FAM186A: variants seen among roughly 807,000 people sequenced by gnomAD.
The protein encoded by FAM186A is protein FAM186A.
A neutral mutation model predicts 216.8 loss-of-function variants in FAM186A; 163 were observed. That is an observed-to-expected ratio of 0.75 (90% confidence interval 0.66 to 0.86). The LOEUF (loss-of-function observed/expected upper bound fraction) is 0.86. FAM186A is among the 40% of genes least tolerant of loss of function. FAM186A has a pLI of 0.00. For synonymous variants in FAM186A, 805 were observed against 1,025.3 expected, an observed-to-expected ratio of 0.79 and a Z score of 4.10; for missense variants, 2,184 against 2,746.2, an observed-to-expected ratio of 0.80 and a Z score of 4.58.
At chr12:50,346,604 T>G (rs1942820189) in intron 4 of FAM186A, among the ~76,000 whole-genome samples, 1 of 152,096 alleles carries the variant, frequency 6.6e-6, no homozygotes, top group African/African-American at 2.4e-5. Flanking sequence ...TCCCAGCACT[T>G]TGGGAGGCCG....
At chr12:50,334,210 G>A in intron 4 of FAM186A, 107 bp from the exon 5 acceptor site, 1 of 1,005,086 alleles carries the variant, frequency 9.9e-7, no homozygotes, top group Non-Finnish European at 1.4e-6. Context: ...CGATCTTGTT[G>A]CCCAGGCTGG....
At position 50,352,541 on chromosome 12, in the gene FAM186A, G is replaced by C. The variant is rs1383134253; in HGVS notation, c.4291C>G (p.Gln1431Glu). 5.4e-6 allele frequency: 8 copies of C among 1,490,948 alleles called. No individual in the cohort carries two copies. The highest frequency in any genetic ancestry group is 1.2e-5 in the South Asian group (1 of 80,474). 92.4% of individuals were successfully genotyped at this position (1,490,948 alleles called of 1,614,324 possible). The change falls in exon 4 of 8, where the codon CAG (glutamine) becomes GAG (glutamate). Residue 1431 changes from glutamine (Q) to glutamate (E), a missense_variant. Transcript: ENST00000327337. ...TGCTGAGGGGTGAGAGTGATCTCCT[G>C]AGCCTGTGCCTGCTGAGGGGTGAAA... Reference protein sequence around the residue: ...IPFTPQQAQAQEITLTPQQAQ... With the variant: ...IPFTPQQAQAEEITLTPQQAQ...
chr12:50,374,105 A>T (rs1334753761), intron 1 of FAM186A, among the ~76,000 whole-genome samples: 1 of 143,472 alleles, frequency 7.0e-6, no homozygotes, highest in Non-Finnish European at 1.5e-5. Flanking sequence ...GAACAATGAG[A>T]ACACATGGAC....
intron 1 of FAM186A, among the ~76,000 whole-genome samples, chr12:50,379,043 GCCTGTAATCCCA>G (rs1943228082): frequency 6.6e-6 from 1 of 152,174 alleles, no homozygotes; most frequent in Non-Finnish European, 1.5e-5. Context: ...AGTGGCTCAC[GCCTGTAATCCCA>G]GCACTTTGAG....
At chr12:50,379,711 G>A (rs529842061) in intron 1 of FAM186A, among the ~76,000 whole-genome samples, 5 of 151,066 alleles carry the variant, frequency 3.3e-5, no homozygotes, top group African/African-American at 7.3e-5. Context: ...GCTTGAACCC[G>A]GGAGGCAGAG....
At chr12:50,376,124 A>G (rs1366369689) in intron 1 of FAM186A, among the ~76,000 whole-genome samples, 2 of 152,138 alleles carry the variant, frequency 1.3e-5, no homozygotes, top group Non-Finnish European at 2.9e-5. Flanking sequence ...TGGATGAGGG[A>G]AACTCAGTGG....
chr12:50,351,628 C>G lies in FAM186A; in HGVS notation c.5204G>C (p.Ser1735Thr). 3.2e-6 allele frequency: 5 copies of G among 1,551,538 alleles called. No individual in the cohort carries two copies. Among genetic ancestry groups the G allele is most frequent in the Non-Finnish European group, 4.4e-6 (5 of 1,146,874 alleles). Reference sequence around the variant, plus strand: ...TGATGATGCCAGGGACAGCCTAAGACTTGGAGACAATCTTGATATGATGGA... The same window carrying G: ...TGATGATGCCAGGGACAGCCTAAGAGTTGGAGACAATCTTGATATGATGGA... The part of the protein sequence containing the change: ...GQSIISRLSP[S>T]LRLSLASSAP... Residue 1735 changes from serine (S) to threonine (T), a missense_variant, in exon 4 of 8, where the codon AGT becomes ACT. Physicochemically the swap from Ser to Thr is moderately conservative, Grantham distance 58. Transcript: ENST00000327337.
intron 5 of FAM186A, among the ~76,000 whole-genome samples, chr12:50,333,330 G>A (rs1304865845): frequency 2.0e-5 from 3 of 151,224 alleles, no homozygotes; most frequent in Non-Finnish European, 4.4e-5. Flanking sequence ...TCAGGAATTC[G>A]AAACCAGCCT....
chr12:50,372,446 T>A (rs564670148), intron 1 of FAM186A, among the ~76,000 whole-genome samples: 1 of 151,308 alleles, frequency 6.6e-6, no homozygotes, highest in South Asian at 2.1e-4. Context: ...TACAAAAAAT[T>A]AGCCGGGCAT....
intron 3 of FAM186A, among the ~76,000 whole-genome samples, chr12:50,359,984 G>C (rs996426355): frequency 6.6e-6 from 1 of 152,160 alleles, no homozygotes. Flanking sequence ...ACTCACACCT[G>C]TAATCCCAGC....
rs549937922 is a variant in FAM186A at position 50,363,990 on chromosome 12, A to AT, written c.193-627dup. The stretch of plus-strand genomic sequence containing the variant: ...CTCTTTTCTTCACTCTATCCTAGAA[A>AT]TTTTTTACGGATGTAATTACTACCT... On this transcript the variant is annotated intron_variant, in intron 1 of 7. Coordinates refer to ENST00000327337, the MANE Select transcript of FAM186A (RefSeq NM_001145475.3). Among the ~76,000 whole-genome samples, 34 of 152,210 alleles carry AT rather than the reference A, an allele frequency of 2.2e-4. 2 individuals carry two copies. In the East Asian group the frequency reaches 3.1e-3, roughly 14 times the overall value.
At position 50,365,820 on chromosome 12, in the gene FAM186A, G is replaced by A. The variant is rs1943082090; in HGVS notation, c.193-2456C>T. On this transcript the variant is annotated intron_variant, in intron 1 of 7. Transcript: ENST00000327337. ...CATCTGAAAGAATGATGAAGTTCAGGTTGTATGAGGACACCATAAAGGTCA... is the reference window on the plus strand; with the variant it reads ...CATCTGAAAGAATGATGAAGTTCAGATTGTATGAGGACACCATAAAGGTCA... 5.3e-6 allele frequency: 4 copies of A among 759,044 alleles called. No homozygotes were observed. In the African/African-American group the frequency reaches 6.8e-5, roughly 13 times the overall value. 47.0% of individuals were successfully genotyped at this position (759,044 alleles called of 1,614,324 possible). A position where few individuals can be genotyped will look rare whatever the true frequency, so the allele number is the denominator to read the frequency against.
intron 1 of FAM186A, among the ~76,000 whole-genome samples, chr12:50,394,294 C>T (rs948568669): frequency 2.0e-5 from 3 of 152,016 alleles, no homozygotes; most frequent in Non-Finnish European, 4.4e-5. Context: ...CGCAGTGGCT[C>T]ACGCCTGTAA....
chr12:50,356,031 G>T lies in FAM186A; in HGVS notation c.801C>A (p.Asn267Lys), dbSNP rs750792978. The change falls in exon 4 of 8, where the codon AAC becomes AAA. Residue 267 changes from asparagine to lysine, a missense_variant. Physicochemically the swap from Asn to Lys is moderately conservative, Grantham distance 94 (BLOSUM62 0). Transcript: ENST00000327337. ...AIKYISSTIV[N>K]LSTALSMLND... The stretch of plus-strand genomic sequence containing the variant: ...TTAGCATACTCAAAGCTGTAGAAAG[G>T]TTTACTATTGTTGATGATATATATT... 9.7e-6 allele frequency: 15 copies of T among 1,551,426 alleles called. No individual in the cohort carries two copies. The highest frequency in any genetic ancestry group is 5.9e-5 in the South Asian group (5 of 84,052).
chr12:50,382,462 G>A (rs1328590798), intron 1 of FAM186A, among the ~76,000 whole-genome samples: 1 of 152,076 alleles, frequency 6.6e-6, no homozygotes. Context: ...CACTTTGGGA[G>A]GCTGAAGTGA....
chr12:50,339,914 T>A (rs1237651524), intron 4 of FAM186A, among the ~76,000 whole-genome samples: 1 of 152,096 alleles, frequency 6.6e-6, no homozygotes, highest in Non-Finnish European at 1.5e-5. Context: ...CTCGGTTCAC[T>A]GCAACCACCG....
At chr12:50,338,448 G>A (rs977443441) in intron 4 of FAM186A, among the ~76,000 whole-genome samples, 1 of 152,094 alleles carries the variant, frequency 6.6e-6, no homozygotes, top group Non-Finnish European at 1.5e-5. Context: ...TGATTCACCC[G>A]CCTCAGCCTC....
At chr12:50,392,853 C>T (rs1234707788) in intron 1 of FAM186A, among the ~76,000 whole-genome samples, 5 of 149,326 alleles carry the variant, frequency 3.3e-5, no homozygotes, top group Admixed American at 6.7e-5. Context: ...GCTCATGATC[C>T]GCCCGCCCCA....
chr12:50,372,546 A>G (rs1284466103), intron 1 of FAM186A, among the ~76,000 whole-genome samples: 4 of 151,050 alleles, frequency 2.6e-5, no homozygotes, highest in African/African-American at 7.3e-5. Flanking sequence ...GTGAGCCAAG[A>G]TTGTGTCACT....
Sources: allele counts gnomAD v4.1 joint callset (sites outside exome capture counted in the v4.1 genomes callset), GRCh38; gene constraint gnomAD v4.1.1; transcripts MANE v1.5; gene names NCBI Gene and HGNC (gene_info 2026-07-23, HGNC 2026-07-21).